DIP2C: variants seen among roughly 807,000 people sequenced by gnomAD.
The protein encoded by DIP2C is disco-interacting protein 2 homolog C.
DIP2C carries 33 observed loss-of-function variants against 192.4 expected under a neutral mutation model. The observed-to-expected ratio is 0.17, with a 90% CI of 0.13 to 0.23. The LOEUF is 0.23. Among genes scored for constraint, DIP2C ranks in the 10% least tolerant of loss-of-function variants. The probability of loss-of-function intolerance (pLI) is 1.00; values close to 1 mark genes in which losing one functional copy is unlikely to be tolerated. For synonymous variants in DIP2C, 979 were observed against 864.1 expected, an observed-to-expected ratio of 1.13 and a Z score of -2.33; for missense variants, 1,537 against 2,110.1, an observed-to-expected ratio of 0.73 and a Z score of 5.32.
At chr10:499,079 C>A (rs1469374601) in intron 1 of DIP2C, among the ~76,000 whole-genome samples, 1 of 152,216 alleles carries the variant, frequency 6.6e-6, no homozygotes, top group Non-Finnish European at 1.5e-5. Flanking sequence ...ATTTTGTTAT[C>A]CTTTTTCAGA....
intron 32 of DIP2C, among the ~76,000 whole-genome samples, chr10:291,592 G>A (rs1317167191): frequency 6.6e-6 from 1 of 152,196 alleles, no homozygotes; most frequent in African/African-American, 2.4e-5. Flanking sequence ...TCATAGAAAT[G>A]AAACCAGGTG....
At chr10:337,266 T>TGTGTGTGTGTGTTCTGTG (rs1957859136) in intron 29 of DIP2C, among the ~76,000 whole-genome samples, 2 of 3,356 alleles carry the variant, frequency 6.0e-4, no homozygotes, top group African/African-American at 1.0e-3. Context: ...AGGCCTAGGC[T>TGTGTGTGTGTGTTCTGTG]GATGTGTGTG....
At chr10:381,051 A>T (rs1379890962) in intron 17 of DIP2C, among the ~76,000 whole-genome samples, 4 of 152,180 alleles carry the variant, frequency 2.6e-5, no homozygotes, top group Non-Finnish European at 5.9e-5. Context: ...GCTTTCATCA[A>T]ATTTATTCAA....
chr10:301,919 G>T (rs1956070517), intron 32 of DIP2C, among the ~76,000 whole-genome samples: 1 of 152,150 alleles, frequency 6.6e-6, no homozygotes, highest in Admixed American at 6.5e-5. Flanking sequence ...GACATGGTGT[G>T]AAAGTGAATT....
intron 24 of DIP2C, among the ~76,000 whole-genome samples, chr10:350,355 A>C (rs115955162): frequency 0.017 from 2,612 of 152,298 alleles, 80 homozygotes; most frequent in African/African-American, 0.059. Context: ...TTTAAGCCAT[A>C]AAGACAAATG....
At chr10:527,691 C>T (rs1427330462) in intron 1 of DIP2C, among the ~76,000 whole-genome samples, 1 of 152,204 alleles carries the variant, frequency 6.6e-6, no homozygotes, top group African/African-American at 2.4e-5. Flanking sequence ...TAAAACTTGA[C>T]ATAAATGTTG....
chr10:660,066 C>T (rs1401979936), intron 1 of DIP2C, among the ~76,000 whole-genome samples: 3 of 152,220 alleles, frequency 2.0e-5, no homozygotes, highest in East Asian at 3.8e-4. Context: ...CAGAAACAGA[C>T]GTCAGCAGAG....
rs1027018590 is a variant in DIP2C at position 500,083 on chromosome 10, C to G, written c.86-13553G>C. Among the ~76,000 whole-genome samples, 5 of 152,206 alleles carry G rather than the reference C, an allele frequency of 3.3e-5. No homozygotes were observed. In the East Asian group the frequency reaches 7.7e-4, roughly 23 times the overall value. On this transcript the variant is annotated intron_variant, in intron 1 of 36. Transcript: ENST00000280886. Reference sequence around the variant, plus strand: ...ATAAAACTAGGGCCCCCTCAGCAAGCGCAGACTCCTGCAAGCCTTCACAGC... The same window carrying G: ...ATAAAACTAGGGCCCCCTCAGCAAGGGCAGACTCCTGCAAGCCTTCACAGC...
intron 26 of DIP2C, 147 bp downstream of exon 26, chr10:348,494 T>C: frequency 1.6e-6 from 2 of 1,277,858 alleles, no homozygotes; most frequent in Middle Eastern, 2.7e-4. Context: ...TCCCTGCAGG[T>C]AGAGACCCTG....
intron 1 of DIP2C, among the ~76,000 whole-genome samples, chr10:534,943 T>C (rs901200837): frequency 7.9e-5 from 12 of 152,088 alleles, no homozygotes; most frequent in African/African-American, 2.9e-4. Flanking sequence ...CCCAAAGTGC[T>C]GGGATTACAG....
At chr10:663,093 C>A (rs1026356207) in intron 1 of DIP2C, 3 of 576,404 alleles carry the variant, frequency 5.2e-6, no homozygotes, top group African/African-American at 3.7e-5. Context: ...CTCCAGTGGG[C>A]AGCCTGGTCT....
intron 1 of DIP2C, among the ~76,000 whole-genome samples, chr10:512,181 T>C (rs1846061377): frequency 6.6e-6 from 1 of 152,260 alleles, no homozygotes; most frequent in African/African-American, 2.4e-5. Context: ...GTTTCTGTCT[T>C]GTTTTTATCC....
At chr10:460,710 C>T (rs1450777472) in intron 3 of DIP2C, among the ~76,000 whole-genome samples, 2 of 152,052 alleles carry the variant, frequency 1.3e-5, no homozygotes, top group African/African-American at 4.8e-5. Context: ...GAGAATATCA[C>T]GAAGATACTC....
intron 32 of DIP2C, among the ~76,000 whole-genome samples, chr10:299,626 G>A (rs753665850): frequency 6.6e-6 from 1 of 152,158 alleles, no homozygotes; most frequent in Non-Finnish European, 1.5e-5. Flanking sequence ...AGAAAACAAA[G>A]AGGATAAACT....
intron 3 of DIP2C, among the ~76,000 whole-genome samples, chr10:458,234 G>A (rs548843531): frequency 5.9e-4 from 90 of 152,290 alleles, no homozygotes; most frequent in African/African-American, 2.1e-3. Context: ...TCATTCTGAT[G>A]TAAATAAGGA....
chr10:419,087 G>C lies in DIP2C; in HGVS notation c.717C>G (p.Ala239=). 6.2e-7 allele frequency: 1 copy of C among 1,614,260 alleles called. No individual in the cohort carries two copies. The highest frequency in any genetic ancestry group is 8.5e-7 in the Non-Finnish European group (1 of 1,180,046). The change falls in exon 6 of 37, where the codon GCC becomes GCG. Residue 239 remains alanine, a synonymous_variant. Transcript: ENST00000280886. ...GSRTAPKYGN[A]ELMETGDGVP... The stretch of plus-strand genomic sequence containing the variant: ...TACCATCCCCGGTCTCCATGAGCTC[G>C]GCGTTGCCGTACTTGGGCGCTGTCC...
At chr10:415,401 G>A (rs933660367) in intron 7 of DIP2C, among the ~76,000 whole-genome samples, 4 of 152,208 alleles carry the variant, frequency 2.6e-5, no homozygotes, top group African/African-American at 9.7e-5. Context: ...GCAGCAGGAG[G>A]AGGGAGGAGA....
intron 25 of DIP2C, 88 bp downstream of exon 25, chr10:349,243 C>T (rs2132631625): frequency 6.5e-7 from 1 of 1,528,658 alleles, no homozygotes; most frequent in East Asian, 2.3e-5. Context: ...CGACCCTCGG[C>T]TCAGGCACCA....
chr10:277,186 T>C lies in DIP2C; in HGVS notation c.*139A>G. On this transcript the variant is annotated 3_prime_UTR_variant, in exon 37 of 37. Transcript: ENST00000280886. The stretch of plus-strand genomic sequence containing the variant: ...ATCGTGGCTGCTGTGAGAAGTCCTC[T>C]TCCTCCTCCTCTTCCTCCTCCACTC... The C allele has an allele frequency of 7.5e-7, 1 of 1,325,938 alleles. No homozygotes were observed. The highest frequency in any genetic ancestry group is 1.0e-6 in the Non-Finnish European group (1 of 976,498). The allele number at this position is 1,325,938 out of a possible 1,614,324, so 82.1% of individuals were successfully genotyped here. A position where few individuals can be genotyped will look rare whatever the true frequency, so the allele number is the denominator to read the frequency against.
Sources: allele counts gnomAD v4.1 joint callset (sites outside exome capture counted in the v4.1 genomes callset), GRCh38; gene constraint gnomAD v4.1.1; transcripts MANE v1.5; gene names NCBI Gene and HGNC (gene_info 2026-07-23, HGNC 2026-07-21).